The following KIF26B variants were observed in gnomAD, a reference collection of about 807,000 sequenced individuals.
KIF26B encodes the protein kinesin family member 26B, also known as kinesin-like protein KIF26B.
KIF26B carries 63 observed loss-of-function variants against 151.2 expected under a neutral mutation model. The observed-to-expected ratio is 0.42, with a 90% CI of 0.34 to 0.51. The LOEUF (loss-of-function observed/expected upper bound fraction) is 0.51. KIF26B is among the 20% of genes least tolerant of loss of function. The pLI is 0.07. For synonymous variants in KIF26B, 1,357 were observed against 1,262.1 expected (o/e 1.08, Z -1.59); for missense variants, 2,813 against 2,913.6 (o/e 0.97, Z 0.79).
intron 2 of KIF26B, among the ~76,000 whole-genome samples, chr1:245,168,946 G>A (rs77223067): frequency 0.013 from 1,932 of 152,234 alleles, 47 homozygotes; most frequent in African/African-American, 0.043. Context: ...CTTCCTGGGG[G>A]ATGTTTCCCT....
chr1:245,281,297 C>G (rs1304393564), intron 2 of KIF26B, among the ~76,000 whole-genome samples: 1 of 74,122 alleles, frequency 1.3e-5, no homozygotes, highest in Non-Finnish European at 2.5e-5. Flanking sequence ...GATTGCCATT[C>G]TAACTGGTGT....
chr1:245,223,287 C>A (rs1669809148), intron 2 of KIF26B, among the ~76,000 whole-genome samples: 1 of 152,166 alleles, frequency 6.6e-6, no homozygotes, highest in Non-Finnish European at 1.5e-5. Flanking sequence ...GGTATACTTC[C>A]TCCTACATAT....
chr1:245,643,229 G>A (rs894825894), intron 9 of KIF26B, among the ~76,000 whole-genome samples: 1 of 152,032 alleles, frequency 6.6e-6, no homozygotes, highest in Non-Finnish European at 1.5e-5. Context: ...TTATTGATAT[G>A]GTTTGGTTCA....
chr1:245,194,431 C>T (rs966458303), intron 2 of KIF26B, among the ~76,000 whole-genome samples: 1 of 152,080 alleles, frequency 6.6e-6, no homozygotes, highest in South Asian at 2.1e-4. Context: ...CAGAGTCTTC[C>T]TCATGCAGCG....
At chr1:245,632,485 G>C (rs2043791395) in intron 9 of KIF26B, among the ~76,000 whole-genome samples, 1 of 152,222 alleles carries the variant, frequency 6.6e-6, no homozygotes, top group Non-Finnish European at 1.5e-5. Context: ...ATAAGGTTGT[G>C]TATTTTGCAG....
chr1:245,526,567 T>C (rs1661239885), intron 4 of KIF26B, among the ~76,000 whole-genome samples: 1 of 152,152 alleles, frequency 6.6e-6, no homozygotes, highest in Admixed American at 6.5e-5. Context: ...GGAAAAGAAA[T>C]TACTTCCTCT....
chr1:245,464,468 CGTGTGG>C (rs1049255372), intron 4 of KIF26B, among the ~76,000 whole-genome samples: 3 of 129,420 alleles, frequency 2.3e-5, no homozygotes, highest in Admixed American at 7.9e-5. Flanking sequence ...TGTGCGTGCG[CGTGTGG>C]GGGTGTGTGC....
At chr1:245,217,451 G>A (rs946093514) in intron 2 of KIF26B, among the ~76,000 whole-genome samples, 4 of 148,410 alleles carry the variant, frequency 2.7e-5, no homozygotes, top group African/African-American at 5.0e-5. Context: ...TGCAACCTCC[G>A]CTGCTGGGGT....
chr1:245,448,717 G>A (rs574900101), intron 4 of KIF26B, among the ~76,000 whole-genome samples: 1 of 152,186 alleles, frequency 6.6e-6, no homozygotes, highest in Non-Finnish European at 1.5e-5. Context: ...AGTTTGGTCT[G>A]GAGTTTGATA....
chr1:245,602,623 C>T lies in KIF26B; in HGVS notation c.1397C>T (p.Ser466Leu), dbSNP rs1184591654. 2.4e-5 allele frequency: 38 copies of T among 1,613,962 alleles called. No individual in the cohort carries two copies. The highest frequency in any genetic ancestry group is 3.2e-5 in the Non-Finnish European group (38 of 1,179,862). ...RICSTLARDT[S>L]ESSSFLKVDP... ...TGTTCCACCTTGGCTCGAGATACTT[C>T]AGAATCCAGCTCTTTCTTAAAGGTG... Residue 466 changes from serine to leucine, a missense_variant, in exon 6 of 15, where the codon TCA becomes TTA. By Grantham distance (145) the Ser-to-Leu change is moderately radical. Coordinates refer to ENST00000407071, the MANE Select transcript of KIF26B (RefSeq NM_018012.4). This position sits in a 1 kb window ranked among gnomAD's most constrained non-coding sequence, Gnocchi z 4.5.
At chr1:245,461,615 C>T (rs1445412674) in intron 4 of KIF26B, among the ~76,000 whole-genome samples, 1 of 152,102 alleles carries the variant, frequency 6.6e-6, no homozygotes, top group East Asian at 1.9e-4. Context: ...CTGCACCATC[C>T]TTCACCAGGA....
chr1:245,464,684 G>A (rs565198529), intron 4 of KIF26B, among the ~76,000 whole-genome samples: 3 of 151,642 alleles, frequency 2.0e-5, no homozygotes, highest in South Asian at 4.2e-4. Context: ...GTGCATGTGT[G>A]AGTATGTGCA....
intron 4 of KIF26B, among the ~76,000 whole-genome samples, chr1:245,492,700 A>C (rs1029599866): frequency 6.6e-6 from 1 of 152,224 alleles, no homozygotes; most frequent in East Asian, 1.9e-4. Flanking sequence ...AGCCTCCCAT[A>C]GTTCAAAGTA....
chr1:245,577,257 C>T (rs2043127044), intron 5 of KIF26B, among the ~76,000 whole-genome samples: 1 of 152,136 alleles, frequency 6.6e-6, no homozygotes, highest in Non-Finnish European at 1.5e-5. Context: ...TTCCTGGGAT[C>T]TCAAGCTTCT....
intron 2 of KIF26B, among the ~76,000 whole-genome samples, chr1:245,331,383 C>T (rs185317101): frequency 5.3e-5 from 8 of 152,308 alleles, no homozygotes; most frequent in Admixed American, 5.2e-4. Context: ...GAGGACCAAA[C>T]AACTCAAGGT....
At position 245,609,413 on chromosome 1, in the gene KIF26B, T is replaced by C; in HGVS notation, c.1799T>C (p.Val600Ala). The C allele has an allele frequency of 6.2e-7, 1 of 1,609,216 alleles. No individual in the cohort carries two copies. Among genetic ancestry groups the C allele is most frequent in the Non-Finnish European group, 8.5e-7 (1 of 1,177,956 alleles). The part of the protein sequence containing the change: ...RFSVRVSAVE[V>A]WGKEENLRDL... ...TCAGTCCGGGTTTCCGCCGTGGAAG[T>C]GTGGGGGAAGGAGGAGAACCTGCGG... Residue 600 changes from valine to alanine, a missense_variant, in exon 8 of 15, where the codon GTG becomes GCG. Physicochemically the swap from Val to Ala is moderately conservative, Grantham distance 64 (BLOSUM62 0). This residue lies in a region of KIF26B where 77 missense variants were observed against 136.9 expected (regional missense o/e 0.56). Coordinates refer to ENST00000407071, the MANE Select transcript of KIF26B (RefSeq NM_018012.4).
At chr1:245,313,158 C>CA (rs1671696300) in intron 2 of KIF26B, among the ~76,000 whole-genome samples, 1 of 150,190 alleles carries the variant, frequency 6.7e-6, no homozygotes, top group African/African-American at 2.4e-5. Context: ...GACTCCATCT[C>CA]AAAAAACAAA....
At chr1:245,612,340 C>T (rs1306049907) in intron 9 of KIF26B, among the ~76,000 whole-genome samples, 4 of 151,992 alleles carry the variant, frequency 2.6e-5, no homozygotes, top group African/African-American at 7.3e-5. Flanking sequence ...CTAGAACTCC[C>T]GGTCTTGAGA....
chr1:245,679,457 G>GTTTTTTTTTTTTTTTT (rs35663208), intron 10 of KIF26B, among the ~76,000 whole-genome samples: 5 of 59,176 alleles, frequency 8.4e-5, no homozygotes, highest in African/African-American at 1.8e-4. Flanking sequence ...TTTTGTGTGT[G>GTTTTTTTTTTTTTTTT]TTTTTTTTTT....
Sources: allele counts gnomAD v4.1 joint callset (sites outside exome capture counted in the v4.1 genomes callset), GRCh38; gene constraint gnomAD v4.1.1; regional missense constraint gnomAD v4.1.1; non-coding constraint Gnocchi (gnomAD v3.1); transcripts MANE v1.5; gene names NCBI Gene and HGNC (gene_info 2026-07-23, HGNC 2026-07-21).